Variants in PANX1 observed in about 807,000 individuals in gnomAD.
PANX1 encodes pannexin-1.
In PANX1, 30 loss-of-function variants were observed where a neutral mutation model predicts 38.7. The observed-to-expected ratio is 0.78, with a 90% CI of 0.58 to 1.05. The LOEUF is 1.05. Among genes scored for constraint, PANX1 ranks in the 50% least tolerant of loss-of-function variants. The pLI, the probability that PANX1 is intolerant of heterozygous loss-of-function variation, is 0.00. For synonymous variants in PANX1, 230 were observed against 212.2 expected (o/e 1.08, Z -0.73); for missense variants, 551 against 517.2 (o/e 1.07, Z -0.63).
At chr11:94,135,507 C>T (rs562763230) in intron 1 of PANX1, among the ~76,000 whole-genome samples, 72 of 152,240 alleles carry the variant, frequency 4.7e-4, no homozygotes, top group Admixed American at 3.4e-3. Flanking sequence ...CAAAGCAGAT[C>T]GATTCTTTTC....
chr11:94,158,774 T>A (rs1326956330), intron 2 of PANX1, among the ~76,000 whole-genome samples: 2 of 152,302 alleles, frequency 1.3e-5, no homozygotes, highest in South Asian at 2.1e-4. Flanking sequence ...GGCCAGAACT[T>A]CCAACACTAT....
chr11:94,168,027 G>A (rs1045637840), intron 2 of PANX1, among the ~76,000 whole-genome samples: 22 of 152,212 alleles, frequency 1.4e-4, no homozygotes, highest in African/African-American at 5.3e-4. Flanking sequence ...TTTTAGTGGA[G>A]AAGTGGGAGG....
At chr11:94,166,830 G>A (rs561818837) in intron 2 of PANX1, among the ~76,000 whole-genome samples, 1 of 152,238 alleles carries the variant, frequency 6.6e-6, no homozygotes, top group Admixed American at 6.5e-5. Context: ...CTTGGAGTTG[G>A]GAGAGAGGTG....
intron 1 of PANX1, among the ~76,000 whole-genome samples, chr11:94,144,343 C>T (rs892858003): frequency 6.6e-6 from 1 of 152,074 alleles, no homozygotes; most frequent in Non-Finnish European, 1.5e-5. Flanking sequence ...CTTCCCAGCT[C>T]TCACATGTCA....
intron 1 of PANX1, among the ~76,000 whole-genome samples, chr11:94,147,035 C>CAA (rs1399663053): frequency 6.6e-6 from 1 of 152,076 alleles, no homozygotes; most frequent in East Asian, 1.9e-4. Context: ...ATTATATATG[C>CAA]ATAGAGAGAG....
intron 2 of PANX1, among the ~76,000 whole-genome samples, chr11:94,155,119 G>T (rs1457694826): frequency 6.6e-6 from 1 of 152,144 alleles, no homozygotes; most frequent in Admixed American, 6.5e-5. Flanking sequence ...GGGAGGCCGA[G>T]GCAAGCGGAT....
intron 2 of PANX1, among the ~76,000 whole-genome samples, chr11:94,154,309 C>T (rs1446080318): frequency 6.6e-6 from 1 of 152,118 alleles, no homozygotes; most frequent in Non-Finnish European, 1.5e-5. Context: ...ATGCAGGTGG[C>T]AGGGGATGCA....
intron 2 of PANX1, among the ~76,000 whole-genome samples, chr11:94,169,644 G>A (rs1947141221): frequency 6.6e-6 from 1 of 151,676 alleles, no homozygotes; most frequent in South Asian, 2.1e-4. Flanking sequence ...TCAGAGGGAA[G>A]ACAACATGAA....
chr11:94,139,760 C>CT, intron 1 of PANX1, among the ~76,000 whole-genome samples: 1 of 152,334 alleles, frequency 6.6e-6, no homozygotes, highest in East Asian at 1.9e-4. Context: ...TACATCCACG[C>CT]TGGGAGGGTT....
rs1465831682 is a variant in PANX1 at position 94,176,360 on chromosome 11, A to G, written c.322-2009A>G. ...GAACTGTCACAAAACCAAGGAGTCTAGGGAGACATGGCAACTAAATGCAGT... is the reference window on the plus strand; with the variant it reads ...GAACTGTCACAAAACCAAGGAGTCTGGGGAGACATGGCAACTAAATGCAGT... On this transcript the variant is annotated intron_variant, in intron 2 of 4. Transcript: ENST00000227638. Among the ~76,000 whole-genome samples, 3 of 151,736 alleles carry G rather than the reference A, an allele frequency of 2.0e-5. 1 individual carries two copies. Among genetic ancestry groups the G allele is most frequent in the Admixed American group, 2.0e-4 (3 of 15,272 alleles).
rs766904100 is a variant in PANX1, at chr11:94,153,519, T to G, written c.210T>G (p.Ser70Arg). The change falls in exon 2 of 5, where the codon AGT becomes AGG. Residue 70 changes from serine (S) to arginine (R), a missense_variant. Physicochemically the swap from Ser to Arg is moderately radical, Grantham distance 110. Transcript: ENST00000227638. ...IGTQISCFSP[S>R]SFSWRQAAFV... is the part of the protein sequence containing the mutation. ...CACAGATAAGCTGTTTCTCTCCAAG[T>G]TCTTTCTCCTGGCGTCAGGCTGCCT... 88 of 1,614,076 alleles carry G rather than the reference T, an allele frequency of 5.5e-5. No individual in the cohort carries two copies. Among genetic ancestry groups the G allele is most frequent in the Admixed American group, 1.0e-4 (6 of 60,006 alleles).
chr11:94,165,632 C>G (rs1232525330), intron 2 of PANX1, among the ~76,000 whole-genome samples: 1 of 152,108 alleles, frequency 6.6e-6, no homozygotes, highest in Non-Finnish European at 1.5e-5. Context: ...GTTATGTGGC[C>G]GGGCACAGTG....
intron 1 of PANX1, among the ~76,000 whole-genome samples, chr11:94,152,227 G>A (rs1031136271): frequency 1.3e-5 from 2 of 152,148 alleles, no homozygotes; most frequent in African/African-American, 4.8e-5. Context: ...CAACTTCTGG[G>A]AACCAGACAC....
chr11:94,162,896 G>C (rs1337772533), intron 2 of PANX1, among the ~76,000 whole-genome samples: 3 of 65,854 alleles, frequency 4.6e-5, no homozygotes, highest in Non-Finnish European at 5.4e-5. Flanking sequence ...TTTTGAGACA[G>C]GGTCTCACTT....
At chr11:94,173,165 C>T (rs1464978165) in intron 2 of PANX1, among the ~76,000 whole-genome samples, 2 of 151,738 alleles carry the variant, frequency 1.3e-5, no homozygotes, top group African/African-American at 4.9e-5. Context: ...TTCCCCAGTG[C>T]AGGATGTTCT....
chr11:94,178,317 G>A (rs1947258498), intron 2 of PANX1, 52 bp from the exon 3 acceptor site: 2 of 1,367,038 alleles, frequency 1.5e-6, no homozygotes, highest in Admixed American at 1.7e-5. Flanking sequence ...GGCGCCATAG[G>A]TTACTGCATG....
intron 2 of PANX1, among the ~76,000 whole-genome samples, chr11:94,165,752 CA>C (rs1281080865): frequency 3.3e-5 from 5 of 152,026 alleles, no homozygotes; most frequent in African/African-American, 1.2e-4. Flanking sequence ...CCCTTCTACA[CA>C]TACAAAATTA....
intron 1 of PANX1, among the ~76,000 whole-genome samples, chr11:94,148,109 G>T (rs1946848031): frequency 6.6e-6 from 1 of 152,156 alleles, no homozygotes; most frequent in East Asian, 1.9e-4. Flanking sequence ...GGGCTGCGGA[G>T]GGTACTTATA....
In PANX1 at chr11:94,178,547, A is replaced by T; in HGVS notation, c.500A>T (p.Asp167Val). 1 of 1,614,084 alleles carries T rather than the reference A, an allele frequency of 6.2e-7. No homozygotes were observed. Among genetic ancestry groups the T allele is most frequent in the Non-Finnish European group, 8.5e-7 (1 of 1,179,988 alleles). Residue 167 changes from aspartate to valine, a missense_variant, in exon 3 of 5, where the codon GAT becomes GTT. Physicochemically the swap from Asp to Val is radical, Grantham distance 152 (BLOSUM62 -3). Transcript: ENST00000227638. The stretch of plus-strand genomic sequence containing the variant: ...AGTGCGCGTGACCTTGACATGAGAG[A>T]TGGAGCCTGCTCAGTTCCAGGTGTT... Reference protein sequence around the residue: ...AKSARDLDMRDGACSVPGVTE... With the variant: ...AKSARDLDMRVGACSVPGVTE...
Sources: allele counts gnomAD v4.1 joint callset (sites outside exome capture counted in the v4.1 genomes callset), GRCh38; gene constraint gnomAD v4.1.1; transcripts MANE v1.5; gene names NCBI Gene and HGNC (gene_info 2026-07-23, HGNC 2026-07-21).